The following XYLT1 variants were observed in gnomAD, a reference collection of about 807,000 sequenced individuals.
XYLT1 encodes xylosyltransferase 1, also known as beta-D-xylosyltransferase 1.
In XYLT1, 36 loss-of-function variants were observed where a neutral mutation model predicts 91.3. That is an observed-to-expected ratio of 0.39 (90% confidence interval 0.30 to 0.52). The LOEUF is 0.52. Among genes scored for constraint, XYLT1 ranks in the 20% least tolerant of loss-of-function variants. XYLT1 has a pLI of 0.68. For synonymous variants in XYLT1, 588 were observed against 532.0 expected (o/e 1.11, Z -1.45); for missense variants, 1,242 against 1,284.5 (o/e 0.97, Z 0.51).
At chr16:17,263,987 T>A (rs960740482) in intron 2 of XYLT1, among the ~76,000 whole-genome samples, 37 of 152,270 alleles carry the variant, frequency 2.4e-4, no homozygotes, top group African/African-American at 8.9e-4. Context: ...GGGACTACTA[T>A]GATAATAACA....
At chr16:17,143,236 A>G (rs928504281) in intron 6 of XYLT1, among the ~76,000 whole-genome samples, 1 of 152,148 alleles carries the variant, frequency 6.6e-6, no homozygotes, top group Non-Finnish European at 1.5e-5. Context: ...CATTACCATC[A>G]TCACCATTTT....
intron 2 of XYLT1, among the ~76,000 whole-genome samples, chr16:17,318,554 G>A (rs893435271): frequency 1.3e-5 from 2 of 152,188 alleles, no homozygotes; most frequent in African/African-American, 2.4e-5. Flanking sequence ...CAAAGATGAT[G>A]TTTGTGCTTT....
Position 17,327,356 on chromosome 16 carries a change from TTTTTC to T in XYLT1, c.402+30651_402+30655del, listed in dbSNP as rs1331379581. On this transcript the variant is annotated intron_variant, in intron 2 of 11. Transcript: ENST00000261381. ...GAGCAACAACTTCCTTTTCTTTTCT[TTTTTC>T]TTTTTTTTTTTTTTTTTTTGAGATA... Among the ~76,000 whole-genome samples the T allele has an allele frequency of 7.3e-5, 9 of 123,772 alleles. No individual in the cohort carries two copies. In the East Asian group the frequency reaches 1.5e-3, roughly 20 times the overall value. 81.2% of individuals were successfully genotyped at this position (123,772 alleles called of 152,430 possible).
Position 17,134,411 on chromosome 16 carries a change from T to C in XYLT1, c.2027+62A>G. 3.1e-6 allele frequency: 5 copies of C among 1,591,628 alleles called. No homozygotes were observed. In the South Asian group the frequency reaches 4.5e-5, roughly 14 times the overall value. ...TAAAGAGGAAGAAGGACCCCCACTCTGTACCCTGAGCCTCCCCTCCTGCTT... is the reference window on the plus strand; with the variant it reads ...TAAAGAGGAAGAAGGACCCCCACTCCGTACCCTGAGCCTCCCCTCCTGCTT... On this transcript the variant is annotated intron_variant, in intron 9 of 11. Transcript: ENST00000261381.
chr16:17,460,931 C>A (rs2036811589), intron 1 of XYLT1, among the ~76,000 whole-genome samples: 1 of 152,182 alleles, frequency 6.6e-6, no homozygotes, highest in Non-Finnish European at 1.5e-5. Context: ...AGAGCACTGA[C>A]CATGACCCAG....
chr16:17,249,199 G>A (rs1249183925), intron 3 of XYLT1, among the ~76,000 whole-genome samples: 1 of 152,170 alleles, frequency 6.6e-6, no homozygotes, highest in Non-Finnish European at 1.5e-5. Context: ...GTATATTGAA[G>A]GGAGCTGGTG....
At position 17,259,083 on chromosome 16, in the gene XYLT1, G is replaced by C. The variant is rs1486945161; in HGVS notation, c.818C>G (p.Ser273Cys). ...EAISALSRAK[S>C]KHCRQEIGET... ...CCCAATCTCCTGGCGGCAGTGCTTG[G>C]ACTTAGCACGGGACAGGGCAGAGAT... is the stretch of plus-strand genomic sequence containing the variant. The change falls in exon 3 of 12, where the codon TCC (serine) becomes TGC (cysteine). Residue 273 changes from serine (S) to cysteine (C), a missense_variant. This residue lies in a region of XYLT1 where 437 missense variants were observed against 411.5 expected (regional missense o/e 1.06). Transcript: ENST00000261381. The C allele has an allele frequency of 6.5e-7, 1 of 1,541,954 alleles. No homozygotes were observed. The highest frequency in any genetic ancestry group is 1.4e-5 in the African/African-American group (1 of 72,096).
In XYLT1 at chr16:17,192,743, C is replaced by G. The variant is rs1458061736; in HGVS notation, c.1289+5469G>C. The G allele has an allele frequency of 2.6e-5, 4 of 151,162 alleles. No individual in the cohort carries two copies. In the East Asian group the frequency reaches 7.9e-4, roughly 30 times the overall value. 9.4% of individuals were successfully genotyped at this position (151,162 alleles called of 1,614,324 possible). ...AGTTCAGGAATATTCTTCATGTCCACAAGTGAATTGGATCTATTCTGTTTT... is the reference window on the plus strand; with the variant it reads ...AGTTCAGGAATATTCTTCATGTCCAGAAGTGAATTGGATCTATTCTGTTTT... On this transcript the variant is annotated intron_variant, in intron 5 of 11. Transcript: ENST00000261381.
chr16:17,285,274 A>C (rs189875579), intron 2 of XYLT1, among the ~76,000 whole-genome samples: 1 of 152,306 alleles, frequency 6.6e-6, no homozygotes, highest in Non-Finnish European at 1.5e-5. Context: ...GGTAGTGATG[A>C]TCTCACACCA....
rs1396734202 is a variant in XYLT1, at chr16:17,259,358, C to T, written c.543G>A (p.Leu181=). The T allele has an allele frequency of 1.9e-6, 3 of 1,614,150 alleles. No individual in the cohort carries two copies. The South Asian group carries it at 3.3e-5, about 18-fold the overall frequency. Residue 181 remains leucine, a synonymous_variant, in exon 3 of 12, where the codon TTG becomes TTA. Transcript: ENST00000261381. ...TCTGTCTACTCGGTGGCTTCTTCGCCAACTCAGGCTGGTGCTTCTGCTTTT... is the reference window on the plus strand; with the variant it reads ...TCTGTCTACTCGGTGGCTTCTTCGCTAACTCAGGCTGGTGCTTCTGCTTTT... ...RTQKQKHQPE[L]AKKPPSRQKE...
intron 3 of XYLT1, among the ~76,000 whole-genome samples, chr16:17,256,373 C>G (rs1323949300): frequency 6.6e-6 from 1 of 152,134 alleles, no homozygotes; most frequent in African/African-American, 2.4e-5. Context: ...AGAGTTCTCA[C>G]CAGGCGCGGT....
chr16:17,137,321 T>TCAAA (rs1196446392), intron 8 of XYLT1, among the ~76,000 whole-genome samples: 2 of 152,112 alleles, frequency 1.3e-5, no homozygotes, highest in Admixed American at 6.5e-5. Context: ...ACAGAGGAGA[T>TCAAA]CAAACACAAA....
Position 17,188,580 on chromosome 16 carries a change from C to T in XYLT1, c.1289+9632G>A, listed in dbSNP as rs143765328. Among the ~76,000 whole-genome samples the T allele has an allele frequency of 4.1e-3, 632 of 152,298 alleles. 2 individuals are homozygous for T. The highest frequency in any genetic ancestry group is 0.014 in the African/African-American group (602 of 41,548). ...AGGCTGCCTCCTCAGGGAAGCCATC[C>T]GGGCCCTCAGTCCATGTGAGATTCC... On this transcript the variant is annotated intron_variant, in intron 5 of 11. Transcript: ENST00000261381.
intron 3 of XYLT1, among the ~76,000 whole-genome samples, chr16:17,243,344 G>C (rs554359380): frequency 3.3e-5 from 5 of 152,294 alleles, no homozygotes; most frequent in Admixed American, 2.0e-4. Context: ...GCACTGTCTT[G>C]CTCAAAACCC....
intron 3 of XYLT1, among the ~76,000 whole-genome samples, chr16:17,223,018 T>C (rs2032998765): frequency 2.1e-5 from 3 of 140,980 alleles, no homozygotes; most frequent in African/African-American, 8.1e-5. Context: ...AGGGTCAGTG[T>C]GAGGCAACTG....
chr16:17,365,206 T>C (rs932965379), intron 1 of XYLT1, among the ~76,000 whole-genome samples: 41 of 152,186 alleles, frequency 2.7e-4, no homozygotes, highest in African/African-American at 9.2e-4. Flanking sequence ...CACCCTCCAC[T>C]TTCCAGCATT....
rs796162269 is a variant in XYLT1, at chr16:17,136,979, ACATGGGAATT to A, written c.1764+1366_1764+1375del. ...GCAGTGAGGGACGGGTCCTCTCCAA[ACATGGGAATT>A]CATTGAATAGGTCAAACAAACATTC... On this transcript the variant is annotated intron_variant, in intron 8 of 11. Coordinates refer to ENST00000261381, the MANE Select transcript of XYLT1 (RefSeq NM_022166.4). Among the ~76,000 whole-genome samples the A allele has an allele frequency of 5.9e-5, 9 of 152,210 alleles. No homozygotes were observed. The East Asian group carries it at 1.2e-3, about 20-fold the overall frequency.
chr16:17,138,061 GGAAAGTTTTTT>G (rs2030815251), intron 8 of XYLT1, among the ~76,000 whole-genome samples: 1 of 151,750 alleles, frequency 6.6e-6, no homozygotes, highest in Admixed American at 6.5e-5. Context: ...TATGGCCTTT[GGAAAGTTTTTT>G]TTAACCTTTC....
intron 3 of XYLT1, among the ~76,000 whole-genome samples, chr16:17,212,942 G>T (rs1395440901): frequency 6.6e-6 from 1 of 152,148 alleles, no homozygotes; most frequent in Non-Finnish European, 1.5e-5. Context: ...CATCAAGGAT[G>T]AAAGAGCTAT....
Sources: gnomAD v4.1 joint callset for allele counts (sites outside exome capture counted in the v4.1 genomes callset) on GRCh38, gnomAD v4.1.1 for gene constraint, gnomAD v4.1.1 regional missense constraint, MANE v1.5 for transcripts, NCBI Gene and HGNC (gene_info 2026-07-23, HGNC 2026-07-21) for gene names.